The following ZDHHC7 variants were observed in gnomAD, a reference collection of about 807,000 sequenced individuals.
The protein encoded by ZDHHC7 is zDHHC palmitoyltransferase 7.
Under a neutral mutation model 34.1 loss-of-function variants are expected in ZDHHC7, and 12 were observed. The ratio of observed to expected loss-of-function variants is 0.35; its 90% confidence interval spans 0.23 to 0.57. The LOEUF (loss-of-function observed/expected upper bound fraction) is 0.57. ZDHHC7 is among the 20% of genes least tolerant of loss of function. The pLI, the probability that ZDHHC7 is intolerant of heterozygous loss-of-function variation, is 0.84. For missense variants in ZDHHC7, 388 were observed against 402.7 expected, an observed-to-expected ratio of 0.96 and a Z score of 0.31; for synonymous variants, 185 against 155.4, an observed-to-expected ratio of 1.19 and a Z score of -1.42.
chr16:85,005,380 G>A (rs1042245272), intron 1 of ZDHHC7, among the ~76,000 whole-genome samples: 2 of 152,162 alleles, frequency 1.3e-5, no homozygotes, highest in African/African-American at 2.4e-5. Flanking sequence ...AACATTTGAA[G>A]GTGAGAAGAA....
the ZDHHC7 span, among the ~76,000 whole-genome samples, chr16:85,019,885 GC>G: frequency 2.0e-5 from 3 of 152,156 alleles, no homozygotes; most frequent in African/African-American, 7.2e-5. Context: ...CCAGGATGCC[GC>G]CCCAAATGTG....
At chr16:85,018,368 T>C in the ZDHHC7 span, among the ~76,000 whole-genome samples, 5 of 152,032 alleles carry the variant, frequency 3.3e-5, no homozygotes, top group African/African-American at 4.8e-5. Flanking sequence ...GTGCTAGTAA[T>C]ATTCAATCTC....
chr16:84,994,508 C>T (rs2072551064), intron 2 of ZDHHC7, among the ~76,000 whole-genome samples: 1 of 152,192 alleles, frequency 6.6e-6, no homozygotes, highest in Non-Finnish European at 1.5e-5. Flanking sequence ...TGAGCTCTCT[C>T]CAGAAAGCAG....
chr16:85,027,585 G>A, the ZDHHC7 span, among the ~76,000 whole-genome samples: 9 of 152,014 alleles, frequency 5.9e-5, no homozygotes, highest in African/African-American at 9.7e-5. Context: ...GGCGCCGGGC[G>A]TACCCGAGAG....
intron 6 of ZDHHC7, 102 bp downstream of exon 6, chr16:84,977,822 A>G (rs1014522750): frequency 4.5e-6 from 4 of 880,810 alleles, no homozygotes; most frequent in Non-Finnish European, 7.0e-6. Context: ...AATTGCAATG[A>G]TTTCCTTCAA....
intron 1 of ZDHHC7, among the ~76,000 whole-genome samples, chr16:84,998,526 T>A (rs560255209): frequency 2.0e-5 from 3 of 152,088 alleles, no homozygotes; most frequent in Non-Finnish European, 2.9e-5. Context: ...TCTGAAAACA[T>A]ATTCTGGGGT....
intron 6 of ZDHHC7, 36 bp from the exon 7 acceptor site, chr16:84,977,261 G>A: frequency 1.2e-6 from 2 of 1,608,342 alleles, no homozygotes; most frequent in Non-Finnish European, 1.7e-6. Flanking sequence ...AACTGGTCCT[G>A]AATACCCCGA....
At chr16:85,007,008 T>C (rs2143748314) in intron 1 of ZDHHC7, among the ~76,000 whole-genome samples, 1 of 141,956 alleles carries the variant, frequency 7.0e-6, no homozygotes, top group African/African-American at 2.8e-5. Flanking sequence ...TAAGACACCG[T>C]AGAAGAACAC....
At chr16:85,024,372 T>C in the ZDHHC7 span, among the ~76,000 whole-genome samples, 2 of 151,002 alleles carry the variant, frequency 1.3e-5, no homozygotes, top group Non-Finnish European at 3.0e-5. Context: ...GGCAGGATTA[T>C]AGGCACGCGC....
the ZDHHC7 span, among the ~76,000 whole-genome samples, chr16:85,021,019 C>T: frequency 2.6e-5 from 4 of 151,972 alleles, no homozygotes; most frequent in Non-Finnish European, 4.4e-5. Context: ...GTGGGAGGAT[C>T]GCTTGAGCCC....
the ZDHHC7 span, among the ~76,000 whole-genome samples, chr16:85,019,516 G>A: frequency 6.6e-6 from 1 of 152,078 alleles, no homozygotes; most frequent in Non-Finnish European, 1.5e-5. Context: ...TCAGGAGTTC[G>A]AGACCAGCCT....
intron 1 of ZDHHC7, among the ~76,000 whole-genome samples, chr16:85,006,159 C>G (rs1012430797): frequency 7.2e-5 from 11 of 152,192 alleles, no homozygotes; most frequent in Admixed American, 5.2e-4. Flanking sequence ...AGTTAAAAGA[C>G]CAGCCTGGGC....
chr16:85,008,326 A>G (rs899487422), intron 1 of ZDHHC7, among the ~76,000 whole-genome samples: 1 of 152,032 alleles, frequency 6.6e-6, no homozygotes, highest in Non-Finnish European at 1.5e-5. Context: ...AACTGACTAC[A>G]AAGACTCAGG....
the ZDHHC7 span, among the ~76,000 whole-genome samples, chr16:85,026,399 A>G: frequency 6.6e-6 from 1 of 152,014 alleles, no homozygotes; most frequent in African/African-American, 2.4e-5. Flanking sequence ...AATTCACACC[A>G]AGCTGGAGAC....
At chr16:84,979,431 C>T in intron 4 of ZDHHC7, 146 bp from the exon 5 acceptor site, 1 of 1,237,540 alleles carries the variant, frequency 8.1e-7, no homozygotes, top group Middle Eastern at 2.6e-4. Context: ...CACTATATTC[C>T]TTTAAGGTTT....
At chr16:85,027,300 C>T in the ZDHHC7 span, among the ~76,000 whole-genome samples, 13 of 152,092 alleles carry the variant, frequency 8.5e-5, no homozygotes, top group African/African-American at 2.4e-4. Context: ...TGCTCAAAGC[C>T]TCGCTGGACT....
At chr16:84,999,177 C>T (rs993959761) in intron 1 of ZDHHC7, among the ~76,000 whole-genome samples, 3 of 152,164 alleles carry the variant, frequency 2.0e-5, no homozygotes, top group African/African-American at 7.2e-5. Flanking sequence ...GTCTTAAAAT[C>T]GGAAACTGGT....
chr16:84,989,218 C>T lies in ZDHHC7; in HGVS notation c.315+1086G>A, dbSNP rs2072476621. ...CCCCAAGGTACCACTCCCCAGCTGC[C>T]CTCTGGTTGGGCCTATAATACTGTC... On this transcript the variant is annotated intron_variant, in intron 3 of 7. Coordinates refer to ENST00000313732, the MANE Select transcript of ZDHHC7 (RefSeq NM_017740.3). Among the ~76,000 whole-genome samples the T allele has an allele frequency of 2.0e-5, 3 of 152,192 alleles. No homozygotes were observed. The South Asian group carries it at 6.2e-4, about 32-fold the overall frequency.
chr16:85,003,404 C>T (rs9930873), intron 1 of ZDHHC7, among the ~76,000 whole-genome samples: 25,372 of 152,216 alleles, frequency 0.17, 2,163 homozygotes, highest in Middle Eastern at 0.21. Flanking sequence ...TCCCTCAACT[C>T]ACAAAAGGAG....
Sources: gnomAD v4.1 joint callset for allele counts (sites outside exome capture counted in the v4.1 genomes callset) on GRCh38, gnomAD v4.1.1 for gene constraint, MANE v1.5 for transcripts, NCBI Gene and HGNC (gene_info 2026-07-23, HGNC 2026-07-21) for gene names.